Variants in SPTBN1 observed in about 807,000 individuals in gnomAD.
The protein encoded by SPTBN1 is spectrin beta chain, non-erythrocytic 1.
Under a neutral mutation model 266.4 loss-of-function variants are expected in SPTBN1, and 32 were observed. That is an observed-to-expected ratio of 0.12 (90% CI 0.09 to 0.16). The LOEUF is 0.16. Ranked by LOEUF, SPTBN1 falls within the 10% of genes least tolerant of loss-of-function variation. The probability of loss-of-function intolerance (pLI) is 1.00; values close to 1 mark genes in which losing one functional copy is unlikely to be tolerated. For synonymous variants in SPTBN1, 1,336 were observed against 1,162.2 expected, an observed-to-expected ratio of 1.15 and a Z score of -3.04; for missense variants, 2,296 against 3,067.1, an observed-to-expected ratio of 0.75 and a Z score of 5.94.
intron 4 of SPTBN1, among the ~76,000 whole-genome samples, chr2:54,615,100 C>A (rs964703205): frequency 2.6e-5 from 4 of 151,066 alleles, no homozygotes; most frequent in Non-Finnish European, 4.4e-5. Flanking sequence ...TATACAGACT[C>A]AGGCTTCACC....
chr2:54,602,858 C>T (rs547099995), intron 3 of SPTBN1, among the ~76,000 whole-genome samples: 1 of 152,306 alleles, frequency 6.6e-6, no homozygotes, highest in African/African-American at 2.4e-5. Context: ...TGAGTTTTTT[C>T]ATAAAGCCTT....
At chr2:54,598,004 CAG>C (rs1676216325) in intron 2 of SPTBN1, among the ~76,000 whole-genome samples, 1 of 149,056 alleles carries the variant, frequency 6.7e-6, no homozygotes, top group Admixed American at 7.0e-5. Flanking sequence ...ACATAGAGAA[CAG>C]AGTCAGGGAG....
At chr2:54,596,502 C>T (rs1281684709) in intron 2 of SPTBN1, among the ~76,000 whole-genome samples, 6 of 151,990 alleles carry the variant, frequency 3.9e-5, no homozygotes, top group Admixed American at 3.3e-4. Flanking sequence ...TGATTCTGGT[C>T]TGGTCCCCGG....
Position 54,647,231 on chromosome 2 carries a change from G to A in SPTBN1, c.4967G>A (p.Arg1656Gln), listed in dbSNP as rs779152792. The change falls in exon 24 of 36, where the codon CGG (arginine) becomes CAG (glutamine). Residue 1656 changes from arginine to glutamine, a missense_variant. Physicochemically the swap from Arg to Gln is conservative, Grantham distance 43. Coordinates refer to ENST00000356805, the MANE Select transcript of SPTBN1 (RefSeq NM_003128.3). ...ETVHQLSKTS[R>Q]ALVADSHPES... is the part of the protein sequence containing the mutation. The stretch of plus-strand genomic sequence containing the variant: ...GTGCATCAGCTCTCCAAGACCAGCC[G>A]GGCCCTGGTGGCCGACAGCCATCCT... The A allele has an allele frequency of 3.1e-5, 50 of 1,613,914 alleles. No individual in the cohort carries two copies. The highest frequency in any genetic ancestry group is 3.9e-5 in the Non-Finnish European group (46 of 1,180,040).
chr2:54,666,094 A>G lies in SPTBN1; in HGVS notation c.6833+6A>G. On this transcript the variant is annotated splice_donor_region_variant and intron_variant, in intron 34 of 35. Transcript: ENST00000356805. ...AAACACGTATTCAAGCTAAGGTGAG[A>G]GTCGCCGTGCTTCATGGCTGCCAGA... is the stretch of plus-strand genomic sequence containing the variant. 6.2e-7 allele frequency: 1 copy of G among 1,606,486 alleles called. No homozygotes were observed. The highest frequency in any genetic ancestry group is 1.3e-5 in the African/African-American group (1 of 74,478).
chr2:54,634,691 T>TC (rs1251996220), intron 17 of SPTBN1, among the ~76,000 whole-genome samples: 1 of 152,120 alleles, frequency 6.6e-6, no homozygotes, highest in Admixed American at 6.5e-5. Flanking sequence ...TCAGATATAA[T>TC]CCCCGCTCCT....
chr2:54,585,834 T>G (rs1359811316), intron 2 of SPTBN1, among the ~76,000 whole-genome samples: 3 of 152,164 alleles, frequency 2.0e-5, no homozygotes, highest in African/African-American at 7.2e-5. Flanking sequence ...GGCTGAATGT[T>G]GGGTATTAGT....
chr2:54,646,252 G>A lies in SPTBN1; in HGVS notation c.4643G>A (p.Ser1548Asn). ...QPRIDDIFER[S>N]QNIVTDSSSL... ...CGCATTGACGACATCTTTGAGAGGA[G>A]CCAAAACATCGTCACTGACAGCAGC... is the stretch of plus-strand genomic sequence containing the variant. The change falls in exon 23 of 36, where the codon AGC becomes AAC. Residue 1548 changes from serine (S) to asparagine (N), a missense_variant. Transcript: ENST00000356805. The surrounding 1 kb of genome is among the most constrained non-coding windows in gnomAD (Gnocchi z 4.4). The A allele has an allele frequency of 1.2e-6, 2 of 1,614,108 alleles. No homozygotes were observed. The highest frequency in any genetic ancestry group is 1.7e-6 in the Non-Finnish European group (2 of 1,179,994).
chr2:54,614,786 G>A (rs1677482289), intron 4 of SPTBN1, among the ~76,000 whole-genome samples: 1 of 151,058 alleles, frequency 6.6e-6, no homozygotes, highest in African/African-American at 2.4e-5. Flanking sequence ...CTGGGCGACA[G>A]AGACTGTCTC....
chr2:54,570,542 C>A (rs1305520208), intron 2 of SPTBN1, among the ~76,000 whole-genome samples: 1 of 152,056 alleles, frequency 6.6e-6, no homozygotes, highest in East Asian at 1.9e-4. Context: ...GCTGAATCCC[C>A]CTCCCTCCAC....
At chr2:54,460,689 C>T (rs781335771) in intron 1 of SPTBN1, among the ~76,000 whole-genome samples, 4 of 152,100 alleles carry the variant, frequency 2.6e-5, no homozygotes, top group Non-Finnish European at 2.9e-5. Flanking sequence ...AATAATGTTC[C>T]TAAAATATAT....
At chr2:54,524,759 C>T (rs1198092346) in intron 1 of SPTBN1, among the ~76,000 whole-genome samples, 3 of 152,344 alleles carry the variant, frequency 2.0e-5, no homozygotes, top group East Asian at 1.9e-4. Flanking sequence ...TCTCCCGCTG[C>T]CCACTAGACT....
chr2:54,490,757 A>G (rs893440706), intron 1 of SPTBN1, among the ~76,000 whole-genome samples: 17 of 152,198 alleles, frequency 1.1e-4, no homozygotes, highest in African/African-American at 3.9e-4. Context: ...ATGAGGCTGG[A>G]GGTGACTCTT....
intron 3 of SPTBN1, among the ~76,000 whole-genome samples, chr2:54,599,750 C>A (rs1676354286): frequency 1.3e-5 from 2 of 152,160 alleles, no homozygotes; most frequent in Non-Finnish European, 2.9e-5. Context: ...TTGTCATCTC[C>A]TTGGGAAAGG....
chr2:54,525,619 T>C (rs1290332912), intron 1 of SPTBN1, among the ~76,000 whole-genome samples: 1 of 152,272 alleles, frequency 6.6e-6, no homozygotes, highest in Non-Finnish European at 1.5e-5. Flanking sequence ...TATATAACAT[T>C]TTATGAATTT....
At chr2:54,580,955 A>G (rs894483023) in intron 2 of SPTBN1, among the ~76,000 whole-genome samples, 2 of 151,944 alleles carry the variant, frequency 1.3e-5, no homozygotes, top group African/African-American at 4.8e-5. Flanking sequence ...AAAATTAGCC[A>G]TGCATAGTGG....
rs1177894368 is a variant in SPTBN1, at chr2:54,664,843, T to C, written c.6659+152T>C. 78 of 779,622 alleles carry C rather than the reference T, an allele frequency of 1.0e-4. 1 individual carries two copies. In the South Asian group the frequency reaches 1.5e-3, roughly 15 times the overall value. The allele number at this position is 779,622 out of a possible 1,614,324, so 48.3% of individuals were successfully genotyped here. On this transcript the variant is annotated intron_variant, in intron 33 of 35. Coordinates refer to ENST00000356805, the MANE Select transcript of SPTBN1 (RefSeq NM_003128.3). This position sits in a 1 kb window ranked among gnomAD's most constrained non-coding sequence, Gnocchi z 5.6. The stretch of plus-strand genomic sequence containing the variant: ...CATTGCATTCTTCTTGGGCTGACGC[T>C]GGAAAGCAGGAGTAGAATGCTGGTT...
chr2:54,561,733 A>G (rs114107029), intron 2 of SPTBN1, among the ~76,000 whole-genome samples: 3,729 of 148,520 alleles, frequency 0.025, 143 homozygotes, highest in African/African-American at 0.079. Flanking sequence ...ATAAATATAA[A>G]TCGAGTTATA....
chr2:54,649,495 C>A lies in SPTBN1; in HGVS notation c.5203-120C>A. On this transcript the variant is annotated intron_variant, in intron 25 of 35. Coordinates refer to ENST00000356805, the MANE Select transcript of SPTBN1 (RefSeq NM_003128.3). The surrounding 1 kb of genome is among the most constrained non-coding windows in gnomAD (Gnocchi z 6.7). ...GAGCTAAGATCTATTGTTCTGAAGTCATGAGTATTATTGGCTACATCTTGC... is the reference window on the plus strand; with the variant it reads ...GAGCTAAGATCTATTGTTCTGAAGTAATGAGTATTATTGGCTACATCTTGC... 7.1e-7 allele frequency: 1 copy of A among 1,416,256 alleles called. No individual in the cohort carries two copies. Among genetic ancestry groups the A allele is most frequent in the Non-Finnish European group, 9.4e-7 (1 of 1,060,530 alleles). The allele number at this position is 1,416,256 out of a possible 1,614,324, so 87.7% of individuals were successfully genotyped here.
Sources: gnomAD v4.1 joint callset for allele counts (sites outside exome capture counted in the v4.1 genomes callset) on GRCh38, gnomAD v4.1.1 for gene constraint, Gnocchi (gnomAD v3.1) non-coding constraint, MANE v1.5 for transcripts, NCBI Gene and HGNC (gene_info 2026-07-23, HGNC 2026-07-21) for gene names.